The following ZBTB25 variants were observed in gnomAD, a reference collection of about 807,000 sequenced individuals.
The protein encoded by ZBTB25 is zinc finger and BTB domain-containing protein 25.
A neutral mutation model predicts 34.2 loss-of-function variants in ZBTB25; 20 were observed. The ratio of observed to expected loss-of-function variants is 0.58; its 90% confidence interval spans 0.41 to 0.85. The LOEUF (loss-of-function observed/expected upper bound fraction) is 0.85, where lower values mean the gene tolerates loss of function less well. Ranked by LOEUF, ZBTB25 falls within the 40% of genes least tolerant of loss-of-function variation. The probability of loss-of-function intolerance (pLI) is 0.00; values close to 1 mark genes in which losing one functional copy is unlikely to be tolerated. For missense variants in ZBTB25, 437 were observed against 521.8 expected (o/e 0.84, Z 1.58); for synonymous variants, 175 against 186.4 (o/e 0.94, Z 0.50).
intron 2 of ZBTB25, chr14:64,460,473 C>T (rs996278039): frequency 1.1e-4 from 16 of 151,422 alleles, no homozygotes; most frequent in African/African-American, 3.7e-4. Context: ...CTGGGCTCCA[C>T]CCTTCCCTAC....
intron 2 of ZBTB25, chr14:64,472,513 T>C (rs998256257): frequency 1.2e-5 from 2 of 166,892 alleles, no homozygotes; most frequent in African/African-American, 4.8e-5. Flanking sequence ...TGATATATAT[T>C]TTTGGTTAGA....
At chr14:64,493,091 GA>G (rs1372532816) in intron 1 of ZBTB25, among the ~76,000 whole-genome samples, 1 of 150,884 alleles carries the variant, frequency 6.6e-6, no homozygotes, top group Non-Finnish European at 1.5e-5. Context: ...GCTTGGCATA[GA>G]AAAAAAAAGT....
At chr14:64,469,817 C>A in intron 2 of ZBTB25, 1 of 636,878 alleles carries the variant, frequency 1.6e-6, no homozygotes, top group Non-Finnish European at 2.6e-6. Context: ...CGCAGAAGTG[C>A]TAAAGATTAA....
intron 1 of ZBTB25, chr14:64,502,734 G>A: frequency 1.0e-6 from 1 of 984,620 alleles, no homozygotes; most frequent in Non-Finnish European, 1.2e-6. Context: ...AATCACCAAG[G>A]TGTCTGGAGC....
At chr14:64,459,239 A>G (rs2078523956) in intron 2 of ZBTB25, among the ~76,000 whole-genome samples, 1 of 152,220 alleles carries the variant, frequency 6.6e-6, no homozygotes. Flanking sequence ...CCAAGAAAAA[A>G]GGAAGACGTG....
At position 64,499,264 on chromosome 14, in the gene ZBTB25, G is replaced by A. The variant is rs191218866; in HGVS notation, c.-8+4397C>T. ...ATTCTAATTGTAACCTTAAAATATT[G>A]GCCAGATTAAGAAACAAAAGTGCTC... On this transcript the variant is annotated intron_variant, in intron 1 of 2. Transcript: ENST00000608382. Among the ~76,000 whole-genome samples, 43 of 152,080 alleles carry A rather than the reference G, an allele frequency of 2.8e-4. No homozygotes were observed. The East Asian group carries it at 5.0e-3, about 18-fold the overall frequency.
chr14:64,501,753 T>C (rs1187276764), intron 1 of ZBTB25, among the ~76,000 whole-genome samples: 4 of 152,154 alleles, frequency 2.6e-5, no homozygotes, highest in African/African-American at 9.7e-5. Flanking sequence ...CTGGCCAGGA[T>C]ATTTTACGGC....
chr14:64,468,491 T>A, intron 2 of ZBTB25: 1 of 1,614,030 alleles, frequency 6.2e-7, no homozygotes, highest in Non-Finnish European at 8.5e-7. Flanking sequence ...GGAAAAGGCA[T>A]CCATGCTTTG....
chr14:64,449,191 T>G (rs965807798), exon 3 of ZBTB25: 16 of 538,720 alleles, frequency 3.0e-5, no homozygotes, highest in African/African-American at 2.9e-4. Flanking sequence ...CTGAGTCTCA[T>G]AACGTCCCAA....
intron 2 of ZBTB25, chr14:64,469,318 T>C (rs1482869116): frequency 1.2e-6 from 2 of 1,613,404 alleles, no homozygotes; most frequent in Non-Finnish European, 1.7e-6. Flanking sequence ...AGCCAAAAGA[T>C]ACTGAATTGA....
At chr14:64,494,398 C>T (rs1325128886) in intron 1 of ZBTB25, among the ~76,000 whole-genome samples, 1 of 152,152 alleles carries the variant, frequency 6.6e-6, no homozygotes, top group Non-Finnish European at 1.5e-5. Flanking sequence ...TTTGGGAGGA[C>T]AAGGTGAGTG....
upstream of ZBTB25, chr14:64,503,902 C>CGCCT (rs2079585851): frequency 6.6e-6 from 1 of 152,194 alleles, no homozygotes; most frequent in Admixed American, 6.5e-5. Flanking sequence ...CCCGCCCGCC[C>CGCCT]GCCTCAGTGG....
At chr14:64,468,718 A>G in intron 2 of ZBTB25, 1 of 1,614,216 alleles carries the variant, frequency 6.2e-7, no homozygotes, top group Non-Finnish European at 8.5e-7. Context: ...TGCAACCTGC[A>G]ATAAATGCTG....
At chr14:64,474,752 A>G (rs561651528), downstream of ZBTB25, among the ~76,000 whole-genome samples, 21 of 152,378 alleles carry the variant, frequency 1.4e-4, no homozygotes, top group African/African-American at 4.8e-4. Context: ...TGTGAATTTG[A>G]CAAAAGCACA....
At position 64,487,028 on chromosome 14, in the gene ZBTB25, A is replaced by G; in HGVS notation, c.1203T>C (p.Asp401=). ...RFQPYCDSWS[D]VSLKSSRLSQ... ...ACAAGCGAGAACTTTTCAGGGAGAC[A>G]TCAGACCAGCTGTCACAGTATGGCT... Residue 401 remains aspartate (D), a synonymous_variant, in exon 3 of 3, where the codon GAT becomes GAC. Transcript: ENST00000608382. 1 of 1,614,248 alleles carries G rather than the reference A, an allele frequency of 6.2e-7. No homozygotes were observed.
chr14:64,475,391 A>C (rs1260736612), downstream of ZBTB25, among the ~76,000 whole-genome samples: 2 of 152,028 alleles, frequency 1.3e-5, no homozygotes, highest in African/African-American at 4.8e-5. Flanking sequence ...GTGAGCCGAC[A>C]TCATGCCATT....
chr14:64,495,112 GGTCA>G (rs2079223498), intron 1 of ZBTB25, among the ~76,000 whole-genome samples: 1 of 152,092 alleles, frequency 6.6e-6, no homozygotes, highest in South Asian at 2.1e-4. Context: ...CTAATTATGG[GGTCA>G]GTCTCCACTG....
At chr14:64,493,592 C>T (rs569804356) in intron 1 of ZBTB25, among the ~76,000 whole-genome samples, 1 of 152,036 alleles carries the variant, frequency 6.6e-6, no homozygotes, top group South Asian at 2.1e-4. Flanking sequence ...TCAAAGTAAT[C>T]GCAGTGGGAA....
intron 1 of ZBTB25, among the ~76,000 whole-genome samples, chr14:64,496,523 T>C (rs1010788859): frequency 6.6e-6 from 1 of 152,218 alleles, no homozygotes; most frequent in East Asian, 1.9e-4. Flanking sequence ...TGAAGAGCTG[T>C]TGTTTATATA....
Sources: gnomAD v4.1 joint callset for allele counts (sites outside exome capture counted in the v4.1 genomes callset) on GRCh38, gnomAD v4.1.1 for gene constraint, MANE v1.5 for transcripts, NCBI Gene and HGNC (gene_info 2026-07-23, HGNC 2026-07-21) for gene names.